HROB: variants seen among roughly 807,000 people sequenced by gnomAD.
HROB encodes homologous recombination OB-fold protein.
Under a neutral mutation model 61.0 loss-of-function variants are expected in HROB, and 44 were observed. The ratio of observed to expected loss-of-function variants is 0.72; its 90% confidence interval spans 0.57 to 0.93. The LOEUF (loss-of-function observed/expected upper bound fraction) is 0.93, where lower values mean the gene tolerates loss of function less well. Among genes scored for constraint, HROB ranks in the 40% least tolerant of loss-of-function variants. The pLI is 0.00. For synonymous variants in HROB, 301 were observed against 310.4 expected, an observed-to-expected ratio of 0.97 and a Z score of 0.32; for missense variants, 716 against 796.2, an observed-to-expected ratio of 0.90 and a Z score of 1.21.
chr17:44,162,139 C>G lies in HROB; in HGVS notation c.*207C>G. The G allele has an allele frequency of 1.9e-6, 1 of 536,178 alleles. No homozygotes were observed. Among genetic ancestry groups the G allele is most frequent in the African/African-American group, 1.9e-5 (1 of 51,858 alleles). 33.2% of individuals were successfully genotyped at this position (536,178 alleles called of 1,614,324 possible). A position where few individuals can be genotyped will look rare whatever the true frequency, so the allele number is the denominator to read the frequency against. On this transcript the variant is annotated 3_prime_UTR_variant, in exon 10 of 10. Transcript: ENST00000585683. The stretch of plus-strand genomic sequence containing the variant: ...TTTGGGCCTTCCTTTGCCGTTGGCA[C>G]CAGAATCCGGCCGGAGACTGGCTCT...
rs199869953 is a variant in HROB at position 44,148,748 on chromosome 17, C to G, written c.945C>G (p.Pro315=). The G allele has an allele frequency of 6.2e-7, 1 of 1,614,098 alleles. No homozygotes were observed. Among genetic ancestry groups the G allele is most frequent in the Admixed American group, 1.7e-5 (1 of 59,998 alleles). The change falls in exon 3 of 10, where the codon CCC becomes CCG. Residue 315 remains proline, a synonymous_variant. Coordinates refer to ENST00000585683, the MANE Select transcript of HROB (RefSeq NM_001171251.3). ...GGTTAAGTGGCAAAGCTCATTTACC[C>G]AGACCTCGAACTCCCAACTCAAGCT... ...SSWLSGKAHL[P]RPRTPNSSCS...
At chr17:44,160,413 C>CAA (rs765350005) in intron 9 of HROB, among the ~76,000 whole-genome samples, 19 of 151,788 alleles carry the variant, frequency 1.3e-4, no homozygotes, top group Non-Finnish European at 2.5e-4. Context: ...TAAAAATACA[C>CAA]AAAAAATTAG....
chr17:44,149,770 T>A (rs975798459), intron 3 of HROB, among the ~76,000 whole-genome samples: 2 of 152,104 alleles, frequency 1.3e-5, no homozygotes, highest in Non-Finnish European at 2.9e-5. Flanking sequence ...ATACAGAGAT[T>A]AAAAGAAACA....
At chr17:44,155,799 T>C (rs889494392) in intron 8 of HROB, among the ~76,000 whole-genome samples, 1 of 152,172 alleles carries the variant, frequency 6.6e-6, no homozygotes, top group Non-Finnish European at 1.5e-5. Context: ...GCCTGTCAGG[T>C]GAGCCAGCAC....
chr17:44,152,096 T>C (rs1312805358), intron 4 of HROB, among the ~76,000 whole-genome samples: 4 of 151,994 alleles, frequency 2.6e-5, no homozygotes, highest in African/African-American at 4.8e-5. Flanking sequence ...CTGCCCGCCT[T>C]GGCCTCCCAA....
rs1266923751 is a variant in HROB at position 44,148,238 on chromosome 17, G to A, written c.435G>A (p.Gln145=). 3.1e-6 allele frequency: 5 copies of A among 1,614,088 alleles called. No individual in the cohort carries two copies. In the South Asian group the frequency reaches 5.5e-5, roughly 18 times the overall value. ...TACTCACCTTTGAGAGCCAACAGCAGCAAGTTGGTGGCTTTGAGGGGCCTG... is the reference window on the plus strand; with the variant it reads ...TACTCACCTTTGAGAGCCAACAGCAACAAGTTGGTGGCTTTGAGGGGCCTG... The part of the protein sequence containing the change: ...HPLLTFESQQ[Q]QVGGFEGPEQ... The change falls in exon 3 of 10, where the codon CAG becomes CAA. Residue 145 remains glutamine (Q), a synonymous_variant. Coordinates refer to ENST00000585683, the MANE Select transcript of HROB (RefSeq NM_001171251.3).
intron 8 of HROB, among the ~76,000 whole-genome samples, 169 bp downstream of exon 8, chr17:44,155,580 G>A (rs754342489): frequency 3.9e-5 from 6 of 152,150 alleles, no homozygotes; most frequent in African/African-American, 7.2e-5. Context: ...TCATCCAGCC[G>A]CCTGGCAGAT....
chr17:44,150,889 C>A, intron 3 of HROB, 72 bp from the exon 4 acceptor site: 1 of 1,292,508 alleles, frequency 7.7e-7, no homozygotes, highest in Non-Finnish European at 1.1e-6. Context: ...TTATGTAAAC[C>A]AGACAATAAG....
chr17:44,155,494 G>C, intron 8 of HROB, 83 bp downstream of exon 8: 1 of 1,562,870 alleles, frequency 6.4e-7, no homozygotes, highest in Non-Finnish European at 8.6e-7. Flanking sequence ...CTTCCACCCT[G>C]GGGAGCAGAG....
chr17:44,153,573 C>G (rs2144019140), intron 5 of HROB, among the ~76,000 whole-genome samples: 1 of 152,308 alleles, frequency 6.6e-6, no homozygotes, highest in South Asian at 2.1e-4. Context: ...TGGAGAAACC[C>G]TGTCTCTACT....
Position 44,152,621 on chromosome 17 carries a change from T to G in HROB, c.1309-16T>G. On this transcript the variant is annotated splice_polypyrimidine_tract_variant and intron_variant, in intron 4 of 9. Coordinates refer to ENST00000585683, the MANE Select transcript of HROB (RefSeq NM_001171251.3). ...GACCTATTCATACAGGCTCCCCCTC[T>G]GCTCTGTGGTACCAGATTGTTGCTA... is the stretch of plus-strand genomic sequence containing the variant. 6.2e-7 allele frequency: 1 copy of G among 1,613,468 alleles called. No homozygotes were observed.
chr17:44,150,920 T>C (rs762098519), intron 3 of HROB, 41 bp from the exon 4 acceptor site: 2 of 1,512,380 alleles, frequency 1.3e-6, no homozygotes, highest in South Asian at 2.3e-5. Flanking sequence ...AAATAACAGC[T>C]GCTAAGCTTG....
intron 9 of HROB, among the ~76,000 whole-genome samples, chr17:44,158,709 G>A (rs560775579): frequency 1.3e-5 from 2 of 150,764 alleles, no homozygotes; most frequent in South Asian, 2.1e-4. Flanking sequence ...GCAGTGGTGC[G>A]ATCTCAGCTC....
At chr17:44,149,525 A>G (rs994234787) in intron 3 of HROB, among the ~76,000 whole-genome samples, 1 of 152,186 alleles carries the variant, frequency 6.6e-6, no homozygotes, top group Non-Finnish European at 1.5e-5. Flanking sequence ...CTGGGATTAT[A>G]GGCGTGAGCC....
chr17:44,159,926 G>C (rs1264250914), intron 9 of HROB, among the ~76,000 whole-genome samples: 2 of 152,244 alleles, frequency 1.3e-5, no homozygotes, highest in African/African-American at 4.8e-5. Flanking sequence ...ATTGTGGGCA[G>C]GCCTGGCTAA....
At chr17:44,143,047 C>T (rs985535929) in intron 1 of HROB, among the ~76,000 whole-genome samples, 19 of 152,200 alleles carry the variant, frequency 1.2e-4, no homozygotes, top group Non-Finnish European at 1.8e-4. Context: ...AGCAATTCTC[C>T]TGCCTTAGAC....
intron 3 of HROB, 99 bp downstream of exon 3, chr17:44,149,126 A>G (rs2053718477): frequency 8.0e-7 from 1 of 1,243,386 alleles, no homozygotes; most frequent in Non-Finnish European, 1.1e-6. Flanking sequence ...CAGAGAAGGA[A>G]GGAAGGAAGT....
At position 44,147,922 on chromosome 17, in the gene HROB, G is replaced by A. The variant is rs1312121775; in HGVS notation, c.119G>A (p.Gly40Glu). 1 of 1,613,984 alleles carries A rather than the reference G, an allele frequency of 6.2e-7. No homozygotes were observed. The highest frequency in any genetic ancestry group is 8.5e-7 in the Non-Finnish European group (1 of 1,180,038). ...RFTGSLPVNA[G>E]RLRPVSSRPQ... The stretch of plus-strand genomic sequence containing the variant: ...ACTGGCTCACTGCCTGTGAATGCTG[G>A]GCGCCTGAGACCTGTCTCTTCTAGG... Residue 40 changes from glycine (G) to glutamate (E), a missense_variant, in exon 3 of 10, where the codon GGG becomes GAG. By Grantham distance (98) the Gly-to-Glu change is moderately conservative (BLOSUM62 -2). Transcript: ENST00000585683.
At chr17:44,153,517 G>A (rs565253659) in intron 5 of HROB, among the ~76,000 whole-genome samples, 3 of 152,166 alleles carry the variant, frequency 2.0e-5, no homozygotes, top group Admixed American at 6.6e-5. Context: ...AGGTCAAGGC[G>A]GGCGGATCAC....
Sources: allele counts gnomAD v4.1 joint callset (sites outside exome capture counted in the v4.1 genomes callset), GRCh38; gene constraint gnomAD v4.1.1; transcripts MANE v1.5; gene names NCBI Gene and HGNC (gene_info 2026-07-23, HGNC 2026-07-21).